The following CRYBG1 variants were observed in gnomAD, a reference collection of about 807,000 sequenced individuals.
CRYBG1 encodes beta/gamma crystallin domain-containing protein 1.
Under a neutral mutation model 189.2 loss-of-function variants are expected in CRYBG1, and 139 were observed. The ratio of observed to expected loss-of-function variants is 0.73; its 90% CI spans 0.64 to 0.85. The LOEUF (loss-of-function observed/expected upper bound fraction) is 0.85. Among genes scored for constraint, CRYBG1 ranks in the 40% least tolerant of loss-of-function variants. The probability of loss-of-function intolerance (pLI) is 0.00; values close to 1 mark genes in which losing one functional copy is unlikely to be tolerated. For synonymous variants in CRYBG1, 1,023 were observed against 1,017.1 expected (o/e 1.01, Z -0.11); for missense variants, 2,611 against 2,675.8 (o/e 0.98, Z 0.53).
intron 1 of CRYBG1, among the ~76,000 whole-genome samples, chr6:106,424,777 A>C (rs1263261852): frequency 6.6e-6 from 1 of 151,992 alleles, no homozygotes; most frequent in African/African-American, 2.4e-5. Context: ...ACCTCCTCTT[A>C]AGAGACCATC....
intron 1 of CRYBG1, among the ~76,000 whole-genome samples, chr6:106,363,702 G>A (rs1358967121): frequency 6.6e-6 from 1 of 152,130 alleles, no homozygotes; most frequent in Non-Finnish European, 1.5e-5. Context: ...TGGGTGTTTA[G>A]GTCAGAAAAA....
rs185980551 is a variant in CRYBG1 at position 106,520,006 on chromosome 6, C to T, written c.2798C>T (p.Thr933Ile). The T allele has an allele frequency of 2.5e-6, 4 of 1,614,032 alleles. No individual in the cohort carries two copies. The African/African-American group carries it at 5.3e-5, about 22-fold the overall frequency. ...MPLLELGGET[T>I]PPLSTERSPE... is the part of the protein sequence containing the mutation. ...CTTTTAGAACTTGGAGGAGAAACAACCCCTCCTTTGTCCACAGAGCGTAGT... is the reference window on the plus strand; with the variant it reads ...CTTTTAGAACTTGGAGGAGAAACAATCCCTCCTTTGTCCACAGAGCGTAGT... Residue 933 changes from threonine (T) to isoleucine (I), a missense_variant, in exon 4 of 22, where the codon ACC becomes ATC. Coordinates refer to ENST00000633556, the MANE Select transcript of CRYBG1 (RefSeq NM_001371242.2).
chr6:106,439,494 G>C (rs1582763434), intron 1 of CRYBG1, among the ~76,000 whole-genome samples: 1 of 152,278 alleles, frequency 6.6e-6, no homozygotes, highest in South Asian at 2.1e-4. Context: ...TTTTCACAAA[G>C]TGAAAGTTTC....
intron 1 of CRYBG1, among the ~76,000 whole-genome samples, chr6:106,437,712 C>T (rs1419849161): frequency 1.3e-5 from 2 of 152,250 alleles, no homozygotes; most frequent in African/African-American, 2.4e-5. Flanking sequence ...CCTAGGATTA[C>T]AGGCATGAGC....
intron 1 of CRYBG1, among the ~76,000 whole-genome samples, chr6:106,444,659 T>C (rs1227581428): frequency 6.6e-6 from 1 of 152,148 alleles, no homozygotes; most frequent in Non-Finnish European, 1.5e-5. Context: ...TCCTGAGATA[T>C]TTTGCTTAAC....
At chr6:106,408,039 G>A (rs371217503) in intron 1 of CRYBG1, among the ~76,000 whole-genome samples, 7 of 152,100 alleles carry the variant, frequency 4.6e-5, no homozygotes, top group Admixed American at 3.3e-4. Context: ...AGAACTGAAG[G>A]AGATAGAGAC....
At chr6:106,483,390 A>ATATATATATATATATAT (rs1772512847) in intron 2 of CRYBG1, among the ~76,000 whole-genome samples, 2 of 96,766 alleles carry the variant, frequency 2.1e-5, no homozygotes. Flanking sequence ...ATATATATAT[A>ATATATATATATATATAT]GATATATATA....
chr6:106,535,317 T>A (rs1773977787), intron 8 of CRYBG1, among the ~76,000 whole-genome samples: 1 of 152,104 alleles, frequency 6.6e-6, no homozygotes, highest in Admixed American at 6.5e-5. Flanking sequence ...CAGAGCCCAA[T>A]TTTTTATTAT....
intron 11 of CRYBG1, 135 bp from the exon 12 acceptor site, chr6:106,544,436 A>T (rs529007429): frequency 9.7e-7 from 1 of 1,030,282 alleles, no homozygotes; most frequent in African/African-American, 1.6e-5. Context: ...AATTTTAAAG[A>T]ATTCCAATGA....
At chr6:106,400,503 C>G (rs1288315812) in intron 1 of CRYBG1, among the ~76,000 whole-genome samples, 2 of 152,040 alleles carry the variant, frequency 1.3e-5, no homozygotes, top group East Asian at 3.9e-4. Flanking sequence ...ACAACAGAAG[C>G]CTGGTCAGAG....
chr6:106,494,176 A>G (rs1007382326), intron 2 of CRYBG1, among the ~76,000 whole-genome samples: 7 of 152,308 alleles, frequency 4.6e-5, no homozygotes, highest in Non-Finnish European at 1.0e-4. Context: ...TAAAGTAGTC[A>G]AACTCAGAGT....
intron 2 of CRYBG1, among the ~76,000 whole-genome samples, chr6:106,475,046 C>T (rs1772308612): frequency 6.6e-6 from 1 of 152,116 alleles, no homozygotes; most frequent in Admixed American, 6.5e-5. Context: ...GATAAATACT[C>T]TGTAACGTTG....
At chr6:106,526,272 A>G (rs765941705) in intron 6 of CRYBG1, among the ~76,000 whole-genome samples, 1 of 152,228 alleles carries the variant, frequency 6.6e-6, no homozygotes, top group Non-Finnish European at 1.5e-5. Context: ...CTATATATCC[A>G]ACATAGTCAT....
chr6:106,403,066 T>C (rs1175289891), intron 1 of CRYBG1, among the ~76,000 whole-genome samples: 2 of 152,298 alleles, frequency 1.3e-5, no homozygotes, highest in South Asian at 4.1e-4. Context: ...CTGGGTGCAG[T>C]GGCTCACACC....
At chr6:106,497,375 G>A (rs912474745) in intron 2 of CRYBG1, among the ~76,000 whole-genome samples, 4 of 152,052 alleles carry the variant, frequency 2.6e-5, no homozygotes, top group Admixed American at 2.0e-4. Context: ...TCAGCAGTTC[G>A]ATGTGGCTTT....
At position 106,451,798 on chromosome 6, in the gene CRYBG1, G is replaced by A. The variant is rs931306721; in HGVS notation, c.278G>A (p.Gly93Asp). 2 of 1,535,048 alleles carry A rather than the reference G, an allele frequency of 1.3e-6. No individual in the cohort carries two copies. Among genetic ancestry groups the A allele is most frequent in the Admixed American group, 2.0e-5 (1 of 50,924 alleles). ...QFFHTTSEAL[G>D]SLLLESGIFK... Reference sequence around the variant, plus strand: ...TTCCACACCACCAGTGAGGCGCTTGGTTCCTTACTTCTAGAGTCTGGAATA... The same window carrying A: ...TTCCACACCACCAGTGAGGCGCTTGATTCCTTACTTCTAGAGTCTGGAATA... Residue 93 changes from glycine (G) to aspartate (D), a missense_variant, in exon 2 of 22, where the codon GGT becomes GAT. Physicochemically the swap from Gly to Asp is moderately conservative, Grantham distance 94. Around this residue, in one of 3 missense-constraint regions of CRYBG1, gnomAD observed 985 missense variants for 924.4 expected, o/e 1.07. Transcript: ENST00000633556.
chr6:106,468,426 C>G (rs972362878), intron 2 of CRYBG1, among the ~76,000 whole-genome samples: 3 of 152,180 alleles, frequency 2.0e-5, no homozygotes, highest in African/African-American at 7.2e-5. Context: ...TCCAAAGGCC[C>G]AGGATGAATT....
Position 106,498,343 on chromosome 6 carries a change from TCTC to T in CRYBG1, c.313-13081_313-13079del, listed in dbSNP as rs1772901308. On this transcript the variant is annotated intron_variant, in intron 2 of 21. Transcript: ENST00000633556. ...TAGAATATTGCTGCCACCCGTTAAGTCTCCTCCTGTTGGTCTCTCTGATCAGGT... is the reference window on the plus strand; with the variant it reads ...TAGAATATTGCTGCCACCCGTTAAGTCTCCTGTTGGTCTCTCTGATCAGGT... Among the ~76,000 whole-genome samples, 4 of 152,230 alleles carry T rather than the reference TCTC, an allele frequency of 2.6e-5. No individual in the cohort carries two copies. The South Asian group carries it at 6.2e-4, about 24-fold the overall frequency.
At position 106,512,112 on chromosome 6, in the gene CRYBG1, G is replaced by A. The variant is rs1175697777; in HGVS notation, c.995G>A (p.Arg332His). ...EEGSLGPRNA[R>H]SQPPKGASDL... is the part of the protein sequence containing the mutation. Reference sequence around the variant, plus strand: ...GGCTCCCTGGGGCCCCGCAACGCCCGCAGCCAGCCCCCCAAGGGCGCGTCT... The same window carrying A: ...GGCTCCCTGGGGCCCCGCAACGCCCACAGCCAGCCCCCCAAGGGCGCGTCT... The change falls in exon 3 of 22, where the codon CGC (arginine) becomes CAC (histidine). Residue 332 changes from arginine to histidine, a missense_variant. Coordinates refer to ENST00000633556, the MANE Select transcript of CRYBG1 (RefSeq NM_001371242.2). 1 of 1,534,484 alleles carries A rather than the reference G, an allele frequency of 6.5e-7. No homozygotes were observed. The highest frequency in any genetic ancestry group is 8.7e-7 in the Non-Finnish European group (1 of 1,146,144).
Sources: gnomAD v4.1 joint callset for allele counts (sites outside exome capture counted in the v4.1 genomes callset) on GRCh38, gnomAD v4.1.1 for gene constraint, gnomAD v4.1.1 regional missense constraint, MANE v1.5 for transcripts, NCBI Gene and HGNC (gene_info 2026-07-23, HGNC 2026-07-21) for gene names.